AGTR1: variants seen among roughly 807,000 people sequenced by gnomAD.
The protein encoded by AGTR1 is angiotensin II receptor type 1.
AGTR1 carries 16 observed loss-of-function variants against 19.4 expected under a neutral mutation model. The ratio of observed to expected loss-of-function variants is 0.82; its 90% CI spans 0.56 to 1.25. The LOEUF is 1.25. Ranked by LOEUF, AGTR1 falls within the 50% of genes most tolerant of loss-of-function variation. The pLI is 0.00. For missense variants in AGTR1, 373 were observed against 431.9 expected (o/e 0.86, Z 1.21); for synonymous variants, 153 against 154.9 (o/e 0.99, Z 0.09).
At chr3:148,698,992 T>C (rs1293802558) in intron 1 of AGTR1, among the ~76,000 whole-genome samples, 1 of 127,468 alleles carries the variant, frequency 7.8e-6, no homozygotes, top group Non-Finnish European at 1.5e-5. Flanking sequence ...GCACCGTTTT[T>C]TTCTTTGGGC....
At chr3:148,707,864 G>A (rs528149548) in intron 1 of AGTR1, 80 bp from the exon 2 acceptor site, 105 of 152,286 alleles carry the variant, frequency 6.9e-4, no homozygotes, top group African/African-American at 2.5e-3. Context: ...AAGATGCAGT[G>A]TGGAAGCTTA....
At chr3:148,735,860 T>A (rs1373172468) in intron 2 of AGTR1, among the ~76,000 whole-genome samples, 8 of 152,218 alleles carry the variant, frequency 5.3e-5, no homozygotes, top group Non-Finnish European at 1.0e-4. Flanking sequence ...TTGAACAGGA[T>A]GGTTTATTGA....
intron 1 of AGTR1, among the ~76,000 whole-genome samples, chr3:148,706,078 T>C (rs931560693): frequency 5.4e-4 from 82 of 152,110 alleles, no homozygotes; most frequent in Non-Finnish European, 7.8e-4. Context: ...GGATCTCTAT[T>C]GATTTTATAT....
chr3:148,705,203 C>T (rs1456833726), intron 1 of AGTR1, among the ~76,000 whole-genome samples: 1 of 152,134 alleles, frequency 6.6e-6, no homozygotes, highest in African/African-American at 2.4e-5. Context: ...GAAAAAATCT[C>T]ATAGCATAGC....
intron 2 of AGTR1, among the ~76,000 whole-genome samples, chr3:148,718,987 C>T (rs1251270503): frequency 6.6e-6 from 1 of 152,162 alleles, no homozygotes; most frequent in Admixed American, 6.5e-5. Flanking sequence ...GAGACTCAGT[C>T]TTGTTTCAAA....
chr3:148,709,150 G>A (rs57668494), intron 2 of AGTR1, among the ~76,000 whole-genome samples: 65,676 of 151,848 alleles, frequency 0.43, 16,012 homozygotes, highest in African/African-American at 0.68. Flanking sequence ...CAGGTATAGC[G>A]AAGCTTGGGA....
At chr3:148,702,586 T>TA (rs1712411867) in intron 1 of AGTR1, among the ~76,000 whole-genome samples, 1 of 152,182 alleles carries the variant, frequency 6.6e-6, no homozygotes, top group Non-Finnish European at 1.5e-5. Context: ...GGAAGCCATT[T>TA]AAAAATGGCC....
chr3:148,740,627 T>C (rs1417397052), intron 2 of AGTR1, among the ~76,000 whole-genome samples: 5 of 152,240 alleles, frequency 3.3e-5, no homozygotes, highest in Non-Finnish European at 5.9e-5. Context: ...CAAGTCTTTC[T>C]GAAAAACTAA....
intron 2 of AGTR1, among the ~76,000 whole-genome samples, chr3:148,720,259 C>T (rs1456938097): frequency 6.6e-6 from 1 of 151,970 alleles, no homozygotes; most frequent in Non-Finnish European, 1.5e-5. Flanking sequence ...CAAGCAGAAA[C>T]ACACACACAC....
chr3:148,739,957 G>A (rs1714780647), intron 2 of AGTR1: 1 of 1,231,816 alleles, frequency 8.1e-7, no homozygotes. Context: ...ACCACATTCG[G>A]TGATGTCACT....
chr3:148,722,852 T>C (rs1713723501), intron 2 of AGTR1, among the ~76,000 whole-genome samples: 1 of 152,212 alleles, frequency 6.6e-6, no homozygotes, highest in Non-Finnish European at 1.5e-5. Flanking sequence ...TTTTTGCATC[T>C]CCCAACGCTT....
At chr3:148,700,973 A>T (rs1361861480) in intron 1 of AGTR1, among the ~76,000 whole-genome samples, 1 of 152,208 alleles carries the variant, frequency 6.6e-6, no homozygotes, top group Non-Finnish European at 1.5e-5. Context: ...AATTTGATCG[A>T]TTTGTATCCT....
chr3:148,741,397 G>A lies in AGTR1; in HGVS notation c.362G>A (p.Cys121Tyr). 1 of 1,603,090 alleles carries A rather than the reference G, an allele frequency of 6.2e-7. No homozygotes were observed. Among genetic ancestry groups the A allele is most frequent in the Non-Finnish European group, 8.5e-7 (1 of 1,177,904 alleles). The change falls in exon 3 of 3, where the codon TGT (cysteine) becomes TAT (tyrosine). Residue 121 changes from cysteine to tyrosine, a missense_variant. By Grantham distance (194) the Cys-to-Tyr change is radical. Transcript: ENST00000349243. ...TACGCTAGTGTGTTTCTACTCACGT[G>A]TCTCAGCATTGATCGATACCTGGCT... Reference protein sequence around the residue: ...NLYASVFLLTCLSIDRYLAIV... With the variant: ...NLYASVFLLTYLSIDRYLAIV...
intron 2 of AGTR1, among the ~76,000 whole-genome samples, chr3:148,727,039 T>G (rs1559929048): frequency 6.6e-6 from 1 of 152,194 alleles, no homozygotes; most frequent in African/African-American, 2.4e-5. Flanking sequence ...GGCATAGATG[T>G]CTATTAATAT....
At chr3:148,702,331 G>T (rs532774918) in intron 1 of AGTR1, among the ~76,000 whole-genome samples, 1 of 152,200 alleles carries the variant, frequency 6.6e-6, no homozygotes, top group African/African-American at 2.4e-5. Context: ...AGTTTATTTA[G>T]ATATTTTCTG....
At chr3:148,708,361 A>G (rs1217374926) in intron 2 of AGTR1, among the ~76,000 whole-genome samples, 1 of 152,120 alleles carries the variant, frequency 6.6e-6, no homozygotes, top group Non-Finnish European at 1.5e-5. Context: ...AGGGCTTAAG[A>G]GGACCAGAAG....
intron 2 of AGTR1, among the ~76,000 whole-genome samples, chr3:148,710,482 A>G (rs1171909783): frequency 6.6e-6 from 1 of 152,176 alleles, no homozygotes; most frequent in Non-Finnish European, 1.5e-5. Context: ...AAAGTAAAAA[A>G]GATGTAGGAT....
rs940672297 is a variant in AGTR1 at position 148,716,620 on chromosome 3, A to T, written c.-48+8593A>T. ...TTTTCATTCCTAATTAAAAAAAATA[A>T]GCTAGTTCATCACAACTTCCTTCAA... On this transcript the variant is annotated intron_variant, in intron 2 of 2. Coordinates refer to ENST00000349243, the MANE Select transcript of AGTR1 (RefSeq NM_000685.5). This position sits in a 1 kb window ranked among gnomAD's most constrained non-coding sequence, Gnocchi z 4.7. 2.6e-5 allele frequency among the ~76,000 whole-genome samples: 4 copies of T among 152,192 alleles called. No individual in the cohort carries two copies. The highest frequency in any genetic ancestry group is 5.9e-5 in the Non-Finnish European group (4 of 68,038).
intron 2 of AGTR1, among the ~76,000 whole-genome samples, chr3:148,710,981 G>C (rs1019152797): frequency 6.6e-6 from 1 of 152,114 alleles, no homozygotes; most frequent in Non-Finnish European, 1.5e-5. Flanking sequence ...GCATCCTGTG[G>C]CCTCACCAGA....
Sources: allele counts gnomAD v4.1 joint callset (sites outside exome capture counted in the v4.1 genomes callset), GRCh38; gene constraint gnomAD v4.1.1; non-coding constraint Gnocchi (gnomAD v3.1); transcripts MANE v1.5; gene names NCBI Gene and HGNC (gene_info 2026-07-23, HGNC 2026-07-21).